The following NF1 variants were observed in gnomAD, a reference collection of about 807,000 sequenced individuals.
The protein encoded by NF1 is neurofibromin.
Under a neutral mutation model 325.7 loss-of-function variants are expected in NF1, and 122 were observed. The ratio of observed to expected loss-of-function variants is 0.37; its 90% CI spans 0.32 to 0.44. The LOEUF is 0.44. Among genes scored for constraint, NF1 ranks in the 20% least tolerant of loss-of-function variants. NF1 has a pLI of 1.00. For synonymous variants in NF1, 1,091 were observed against 1,186.0 expected (o/e 0.92, Z 1.65); for missense variants, 2,140 against 3,415.4 (o/e 0.63, Z 9.31).
Position 31,337,823 on chromosome 17 carries a change from G to T in NF1, c.6647G>T (p.Cys2216Phe), listed in dbSNP as rs1567617669. The change falls in exon 44 of 58, where the codon TGC (cysteine) becomes TTC (phenylalanine). Residue 2216 changes from cysteine to phenylalanine, a missense_variant. Physicochemically the swap from Cys to Phe is radical, Grantham distance 205. This residue lies in a region of NF1 where 522 missense variants were observed against 749.0 expected (regional missense o/e 0.70). Coordinates refer to ENST00000358273, the MANE Select transcript of NF1 (RefSeq NM_001042492.3). ...TEALLEIMEA[C>F]MRDIPTCKWL... ...TCAGAGTATCCCCTTTTTTAGGCAT[G>T]CATGAGAGATATTCCAACGTGCAAG... 2 of 1,613,756 alleles carry T rather than the reference G, an allele frequency of 1.2e-6. No individual in the cohort carries two copies. Among genetic ancestry groups the T allele is most frequent in the African/African-American group, 1.3e-5 (1 of 74,988 alleles).
chr17:31,239,557 A>C lies in NF1; in HGVS notation c.3974+3536A>C, dbSNP rs9913470. Among the ~76,000 whole-genome samples the C allele has an allele frequency of 2.7e-5, 4 of 149,196 alleles. No individual in the cohort carries two copies. In the South Asian group the frequency reaches 6.3e-4, roughly 24 times the overall value. On this transcript the variant is annotated intron_variant, in intron 29 of 57. Transcript: ENST00000358273. ...GCAATACCTAAAGCAAGATGGGGGG[A>C]GGAATCAGAAATCAATGAAATTAAA...
At chr17:31,293,250 T>G (rs1030977490) in intron 36 of NF1, among the ~76,000 whole-genome samples, 1 of 149,436 alleles carries the variant, frequency 6.7e-6, no homozygotes, top group African/African-American at 2.5e-5. Flanking sequence ...ATATGTTTTT[T>G]TAAATAAGAC....
rs1193012915 is a variant in NF1, at chr17:31,252,120, C to CTT, written c.4111-800_4111-799dup. 467 of 142,052 alleles carry CTT rather than the reference C, an allele frequency of 3.3e-3. 3 individuals are homozygous for CTT. The highest frequency in any genetic ancestry group is 0.014 in the South Asian group (50 of 3,662). 8.8% of individuals were successfully genotyped at this position (142,052 alleles called of 1,614,324 possible). On this transcript the variant is annotated intron_variant, in intron 30 of 57. Coordinates refer to ENST00000358273, the MANE Select transcript of NF1 (RefSeq NM_001042492.3). ...GGAGTTTTGGGGGTTTTTTAGGTGG[C>CTT]TTTTTTTTTTTTTTTTTTTAAGATA...
At chr17:31,210,600 A>G (rs1160768203) in intron 12 of NF1, among the ~76,000 whole-genome samples, 1 of 152,148 alleles carries the variant, frequency 6.6e-6, no homozygotes, top group Non-Finnish European at 1.5e-5. Context: ...AAACAAAAAC[A>G]AAAAACAAAA....
chr17:31,360,758 T>A (rs2151588500), intron 57 of NF1, 55 bp downstream of exon 57: 1 of 1,457,872 alleles, frequency 6.9e-7, no homozygotes, highest in Non-Finnish European at 9.6e-7. Context: ...ACACCAACAT[T>A]AGGAATTCCC....
At chr17:31,203,538 T>G (rs945900868) in intron 11 of NF1, among the ~76,000 whole-genome samples, 1 of 152,186 alleles carries the variant, frequency 6.6e-6, no homozygotes, top group African/African-American at 2.4e-5. Flanking sequence ...CTCTTTTGGT[T>G]GAAAAGGACT....
chr17:31,248,544 T>G (rs965325588), intron 29 of NF1, among the ~76,000 whole-genome samples: 1 of 152,148 alleles, frequency 6.6e-6, no homozygotes, highest in African/African-American at 2.4e-5. Context: ...TTTTTTTATT[T>G]TTATTTTTGA....
chr17:31,321,546 C>A (rs756857081), intron 36 of NF1: 1 of 152,148 alleles, frequency 6.6e-6, no homozygotes, highest in Non-Finnish European at 1.5e-5. Flanking sequence ...TGATAAACCA[C>A]TTCTTTTCTT....
chr17:31,304,146 A>G (rs2068642584), intron 36 of NF1: 5 of 1,054,740 alleles, frequency 4.7e-6, no homozygotes, highest in African/African-American at 1.6e-5. Context: ...CAGATTTCAG[A>G]TAGTTCCTGA....
chr17:31,144,637 A>T (rs543807017), intron 1 of NF1, among the ~76,000 whole-genome samples: 2,695 of 152,224 alleles, frequency 0.018, 67 homozygotes, highest in African/African-American at 0.061. Context: ...ATGGCGTCCC[A>T]TTCTTCAGAA....
intron 1 of NF1, among the ~76,000 whole-genome samples, chr17:31,145,201 C>A (rs572542344): frequency 6.6e-6 from 1 of 152,230 alleles, no homozygotes; most frequent in East Asian, 1.9e-4. Flanking sequence ...CTCATTCATT[C>A]ATTCATTTTG....
chr17:31,267,442 T>C (rs2067812144), intron 36 of NF1, among the ~76,000 whole-genome samples: 1 of 152,158 alleles, frequency 6.6e-6, no homozygotes, highest in Admixed American at 6.5e-5. Context: ...TTTCAATCCT[T>C]TTAGTTTCTT....
intron 8 of NF1, among the ~76,000 whole-genome samples, chr17:31,198,622 A>T (rs1022155342): frequency 2.7e-4 from 37 of 138,166 alleles, no homozygotes; most frequent in Middle Eastern, 3.6e-3. Flanking sequence ...GTTGTTGTTG[A>T]GGGGGTGGGG....
chr17:31,377,530 C>G lies in NF1; in HGVS notation c.*3375C>G. 1 of 232,800 alleles carries G rather than the reference C, an allele frequency of 4.3e-6. No individual in the cohort carries two copies. Among genetic ancestry groups the G allele is most frequent in the Non-Finnish European group, 8.5e-6 (1 of 117,544 alleles). The allele number at this position is 232,800 out of a possible 1,614,324, so 14.4% of individuals were successfully genotyped here. On this transcript the variant is annotated 3_prime_UTR_variant, in exon 58 of 58. Coordinates refer to ENST00000358273, the MANE Select transcript of NF1 (RefSeq NM_001042492.3). Reference sequence around the variant, plus strand: ...TTGTACGCCAGCAGGAAAAATACTGCCCAACAGACAAAATCGATCATTGTA... The same window carrying G: ...TTGTACGCCAGCAGGAAAAATACTGGCCAACAGACAAAATCGATCATTGTA...
intron 8 of NF1, among the ~76,000 whole-genome samples, chr17:31,186,504 A>G (rs528805255): frequency 6.6e-6 from 1 of 152,298 alleles, no homozygotes; most frequent in East Asian, 1.9e-4. Flanking sequence ...ATACTGATTC[A>G]TGGGCTGGAG....
At chr17:31,319,184 A>G (rs2069112656) in intron 36 of NF1, among the ~76,000 whole-genome samples, 2 of 152,196 alleles carry the variant, frequency 1.3e-5, no homozygotes, top group African/African-American at 2.4e-5. Flanking sequence ...TTTCTTTTCT[A>G]TTCAGCTATG....
rs150625101 is a variant in NF1 at position 31,123,775 on chromosome 17, A to G, written c.60+28406A>G. On this transcript the variant is annotated intron_variant, in intron 1 of 57. Coordinates refer to ENST00000358273, the MANE Select transcript of NF1 (RefSeq NM_001042492.3). ...ACAGAAACTTACTTCTCACAATTCT[A>G]AAGTCTGGGAAATCCAAGAATAACA... Among the ~76,000 whole-genome samples the G allele has an allele frequency of 1.8e-3, 274 of 152,308 alleles. 2 individuals are homozygous for G. Among genetic ancestry groups the G allele is most frequent in the Middle Eastern group, 6.8e-3 (2 of 294 alleles).
At chr17:31,323,054 A>G (rs16972182) in intron 36 of NF1, among the ~76,000 whole-genome samples, 3,221 of 152,278 alleles carry the variant, frequency 0.021, 131 homozygotes, top group African/African-American at 0.072. Flanking sequence ...ACATACAACA[A>G]TGATTCAGAA....
intron 36 of NF1, among the ~76,000 whole-genome samples, chr17:31,310,960 G>A (rs1421995134): frequency 2.5e-5 from 3 of 121,266 alleles, no homozygotes; most frequent in South Asian, 2.5e-4. Context: ...TTTTTTTTCC[G>A]TTTGGAGACA....
Sources: allele counts gnomAD v4.1 joint callset (sites outside exome capture counted in the v4.1 genomes callset), GRCh38; gene constraint gnomAD v4.1.1; regional missense constraint gnomAD v4.1.1; transcripts MANE v1.5; gene names NCBI Gene and HGNC (gene_info 2026-07-23, HGNC 2026-07-21).